RAPGEF2: variants seen among roughly 807,000 people sequenced by gnomAD.
The protein encoded by RAPGEF2 is Rap guanine nucleotide exchange factor 2.
A neutral mutation model predicts 186.7 loss-of-function variants in RAPGEF2; 54 were observed. That is an observed-to-expected ratio of 0.29 (90% CI 0.23 to 0.36). RAPGEF2 has a LOEUF of 0.36. Ranked by LOEUF, RAPGEF2 falls within the 10% of genes least tolerant of loss-of-function variation. The probability of loss-of-function intolerance (pLI) is 1.00; values close to 1 mark genes in which losing one functional copy is unlikely to be tolerated. For synonymous variants in RAPGEF2, 712 were observed against 705.9 expected, an observed-to-expected ratio of 1.01 and a Z score of -0.14; for missense variants, 1,532 against 2,045.0, an observed-to-expected ratio of 0.75 and a Z score of 4.84.
At chr4:159,251,908 A>G (rs1378615352) in intron 7 of RAPGEF2, among the ~76,000 whole-genome samples, 1 of 151,810 alleles carries the variant, frequency 6.6e-6, no homozygotes, top group East Asian at 1.9e-4. Context: ...GCTGCGGCTC[A>G]CGCTTTGGGT....
At position 159,212,765 on chromosome 4, in the gene RAPGEF2, A is replaced by G. The variant is rs898752009; in HGVS notation, c.281+2182A>G. Among the ~76,000 whole-genome samples the G allele has an allele frequency of 2.6e-5, 4 of 152,176 alleles. No individual in the cohort carries two copies. In the East Asian group the frequency reaches 5.8e-4, roughly 22 times the overall value. On this transcript the variant is annotated intron_variant, in intron 4 of 29. Transcript: ENST00000691494. ...GAGCACTGATTGTGACTTTATCATC[A>G]TCTTAATACAGGGTCTGTTGTACAA...
At chr4:159,123,719 C>T (rs544788389) in intron 1 of RAPGEF2, among the ~76,000 whole-genome samples, 4 of 151,866 alleles carry the variant, frequency 2.6e-5, no homozygotes, top group Admixed American at 6.6e-5. Flanking sequence ...AGGGTTTCAC[C>T]GTGTTAGCCA....
intron 1 of RAPGEF2, among the ~76,000 whole-genome samples, chr4:159,181,986 C>T (rs1284947245): frequency 2.6e-5 from 4 of 152,124 alleles, no homozygotes; most frequent in Non-Finnish European, 5.9e-5. Flanking sequence ...TCCTTGAATG[C>T]AAATAGAACA....
rs114534476 is a variant in RAPGEF2, at chr4:159,334,249, T to A, written c.2135+1552T>A. On this transcript the variant is annotated intron_variant, in intron 17 of 29. Transcript: ENST00000691494. Reference sequence around the variant, plus strand: ...ATAAATTACCTAAATGCAGATTTTTTAAATTAATTTATTTTTTTGAGACAG... The same window carrying A: ...ATAAATTACCTAAATGCAGATTTTTAAAATTAATTTATTTTTTTGAGACAG... Among the ~76,000 whole-genome samples, 854 of 152,324 alleles carry A rather than the reference T, an allele frequency of 5.6e-3. 9 individuals carry two copies. The highest frequency in any genetic ancestry group is 0.019 in the African/African-American group (810 of 41,568).
rs1737397025 is a variant in RAPGEF2 at position 159,103,367 on chromosome 4, T to C, written c.-796T>C. On this transcript the variant is annotated 5_prime_UTR_variant, in exon 1 of 30. Coordinates refer to ENST00000691494, the MANE Select transcript of RAPGEF2 (RefSeq NM_001394067.2). ...GCGGCGGCGCCGGCGCCGGGGCAGC[T>C]CCGCTCCGGGCGCGCTGATGGGGGG... 1 of 151,838 alleles carries C rather than the reference T, an allele frequency of 6.6e-6. No individual in the cohort carries two copies. Among genetic ancestry groups the C allele is most frequent in the African/African-American group, 2.4e-5 (1 of 41,158 alleles). 9.4% of individuals were successfully genotyped at this position (151,838 alleles called of 1,614,324 possible).
At chr4:159,110,451 C>T (rs538137071) in intron 1 of RAPGEF2, among the ~76,000 whole-genome samples, 1 of 152,176 alleles carries the variant, frequency 6.6e-6, no homozygotes, top group East Asian at 1.9e-4. Context: ...TAGCCAGGTG[C>T]CTGTATTCCC....
intron 11 of RAPGEF2, among the ~76,000 whole-genome samples, chr4:159,325,977 T>C (rs1005064293): frequency 2.0e-5 from 3 of 152,140 alleles, no homozygotes; most frequent in African/African-American, 7.2e-5. Context: ...AAGTTAATTA[T>C]GAAGAGGGTC....
At chr4:159,217,200 G>A (rs1458862277) in intron 4 of RAPGEF2, among the ~76,000 whole-genome samples, 8 of 152,184 alleles carry the variant, frequency 5.3e-5, no homozygotes, top group Non-Finnish European at 7.4e-5. Context: ...GATTTAGGGG[G>A]TACACGTGCA....
chr4:159,171,419 G>A (rs1479462052), intron 1 of RAPGEF2, among the ~76,000 whole-genome samples: 1 of 152,170 alleles, frequency 6.6e-6, no homozygotes, highest in Non-Finnish European at 1.5e-5. Flanking sequence ...CCACAGAGAG[G>A]TTGAGTGACT....
intron 1 of RAPGEF2, among the ~76,000 whole-genome samples, chr4:159,134,010 C>T (rs1310369804): frequency 5.3e-5 from 8 of 152,178 alleles, no homozygotes; most frequent in African/African-American, 1.2e-4. Context: ...TGAGCCACCA[C>T]GCCTGGCAAT....
chr4:159,275,315 G>A (rs1758716233), intron 7 of RAPGEF2, among the ~76,000 whole-genome samples: 1 of 151,926 alleles, frequency 6.6e-6, no homozygotes, highest in Admixed American at 6.6e-5. Context: ...GACATCTTAG[G>A]CATGAGTTAG....
At position 159,353,283 on chromosome 4, in the gene RAPGEF2, A is replaced by C. The variant is rs938374904; in HGVS notation, c.4092-204A>C. On this transcript the variant is annotated intron_variant, in intron 27 of 29. Transcript: ENST00000691494. This position sits in a 1 kb window ranked among gnomAD's most constrained non-coding sequence, Gnocchi z 4.3. ...ATGGCACGTTGCGTTCTTTTCCCGC[A>C]TGCCTGTTTTATAGTAATGATAAAG... 1.3e-4 allele frequency among the ~76,000 whole-genome samples: 20 copies of C among 150,938 alleles called. No individual in the cohort carries two copies. The highest frequency in any genetic ancestry group is 4.9e-4 in the African/African-American group (20 of 40,938).
At chr4:159,288,275 A>G (rs1328431042) in intron 7 of RAPGEF2, among the ~76,000 whole-genome samples, 30 of 152,186 alleles carry the variant, frequency 2.0e-4, no homozygotes, top group Admixed American at 2.0e-3. Context: ...AAATTTGGTT[A>G]TCCACTCACA....
At chr4:159,157,023 C>G (rs965778838) in intron 1 of RAPGEF2, among the ~76,000 whole-genome samples, 3 of 152,130 alleles carry the variant, frequency 2.0e-5, no homozygotes, top group African/African-American at 7.2e-5. Flanking sequence ...CTCAGTGACT[C>G]CAGTGCTCAA....
At chr4:159,182,200 A>C (rs1747075348) in intron 1 of RAPGEF2, among the ~76,000 whole-genome samples, 1 of 152,162 alleles carries the variant, frequency 6.6e-6, no homozygotes, top group South Asian at 2.1e-4. Context: ...ATAAAATGAG[A>C]GGCAATCAGT....
intron 1 of RAPGEF2, among the ~76,000 whole-genome samples, chr4:159,117,526 A>G (rs540517570): frequency 1.2e-3 from 188 of 152,104 alleles, no homozygotes; most frequent in Non-Finnish European, 2.5e-3. Flanking sequence ...GCAACATGCT[A>G]AAATCATTTC....
At chr4:159,239,535 CAA>C (rs1246675528) in intron 5 of RAPGEF2, among the ~76,000 whole-genome samples, 1 of 151,880 alleles carries the variant, frequency 6.6e-6, no homozygotes, top group Non-Finnish European at 1.5e-5. Flanking sequence ...AATTTTGTGA[CAA>C]AAATTTATAA....
intron 2 of RAPGEF2, among the ~76,000 whole-genome samples, chr4:159,190,616 C>G (rs1011661303): frequency 6.6e-6 from 1 of 152,126 alleles, no homozygotes; most frequent in Non-Finnish European, 1.5e-5. Flanking sequence ...CTCATAGTTC[C>G]GCATGGCTGG....
At chr4:159,206,256 A>G (rs1749981639) in intron 3 of RAPGEF2, among the ~76,000 whole-genome samples, 1 of 152,216 alleles carries the variant, frequency 6.6e-6, no homozygotes, top group East Asian at 1.9e-4. Flanking sequence ...CACAAAGCCT[A>G]TATTATAACA....
Sources: gnomAD v4.1 joint callset for allele counts (sites outside exome capture counted in the v4.1 genomes callset) on GRCh38, gnomAD v4.1.1 for gene constraint, Gnocchi (gnomAD v3.1) non-coding constraint, MANE v1.5 for transcripts, NCBI Gene and HGNC (gene_info 2026-07-23, HGNC 2026-07-21) for gene names.